The following DZIP3 variants were observed in gnomAD, a reference collection of about 807,000 sequenced individuals.
DZIP3 encodes the protein E3 ubiquitin-protein ligase DZIP3.
In DZIP3, 118 loss-of-function variants were observed where a neutral mutation model predicts 162.0. That is an observed-to-expected ratio of 0.73 (90% CI 0.63 to 0.85). The LOEUF (loss-of-function observed/expected upper bound fraction) is 0.85. Among genes scored for constraint, DZIP3 ranks in the 40% least tolerant of loss-of-function variants. The probability of loss-of-function intolerance (pLI) is 0.00; values close to 1 mark genes in which losing one functional copy is unlikely to be tolerated. For missense variants in DZIP3, 1,331 were observed against 1,407.0 expected, an observed-to-expected ratio of 0.95 and a Z score of 0.86; for synonymous variants, 438 against 458.6, an observed-to-expected ratio of 0.96 and a Z score of 0.57.
intron 4 of DZIP3, among the ~76,000 whole-genome samples, chr3:108,614,543 C>CA (rs1193758015): frequency 1.3e-5 from 2 of 152,196 alleles, no homozygotes; most frequent in Non-Finnish European, 2.9e-5. Context: ...ATTGCCCCCC[C>CA]ATACCAATTG....
rs780187007 is a variant in DZIP3, at chr3:108,629,122, C to G, written c.642C>G (p.Asp214Glu). Residue 214 changes from aspartate (D) to glutamate (E), a missense_variant, in exon 8 of 33, where the codon GAC becomes GAG. Transcript: ENST00000361582. The stretch of plus-strand genomic sequence containing the variant: ...TACAAGAAATTGGAGACAAAAATGA[C>G]CATTGGTTTGACATAGATCCTACAG... ...KSLQEIGDKN[D>E]HWFDIDPTED... 1.9e-6 allele frequency: 3 copies of G among 1,604,060 alleles called. No homozygotes were observed. The African/African-American group carries it at 4.0e-5, about 22-fold the overall frequency.
intron 27 of DZIP3, among the ~76,000 whole-genome samples, chr3:108,685,079 T>C (rs76651680): frequency 0.028 from 4,285 of 152,230 alleles, 221 homozygotes; most frequent in African/African-American, 0.097. Context: ...TTGCTAACAG[T>C]TTCCTTTTGA....
Position 108,642,485 on chromosome 3 carries a change from C to T in DZIP3, c.1112C>T (p.Pro371Leu), listed in dbSNP as rs867437951. The change falls in exon 13 of 33, where the codon CCG becomes CTG. Residue 371 changes from proline to leucine, a missense_variant. Pro to Leu is a moderately conservative substitution (Grantham distance 98, BLOSUM62 -3). Transcript: ENST00000361582. ...AAAATAACTGATACTGATATAAGAC[C>T]GAAGATCAGTTTAAAATTTAATACA... ...SLKITDTDIR[P>L]KISLKFNTKD... 2 of 1,479,198 alleles carry T rather than the reference C, an allele frequency of 1.4e-6. No homozygotes were observed. The highest frequency in any genetic ancestry group is 2.5e-5 in the East Asian group (1 of 39,456). The allele number at this position is 1,479,198 out of a possible 1,614,324, so 91.6% of individuals were successfully genotyped here.
In DZIP3 at chr3:108,674,061, C is replaced by G; in HGVS notation, c.2590-17C>G. ...GCACACCTTCAACTTCTTTCTCTTT[C>G]TCTCAAAAACCTGTAGGTGTATTTC... On this transcript the variant is annotated splice_polypyrimidine_tract_variant and intron_variant, in intron 23 of 32. Coordinates refer to ENST00000361582, the MANE Select transcript of DZIP3 (RefSeq NM_014648.4). The G allele has an allele frequency of 2.5e-6, 4 of 1,580,382 alleles. No homozygotes were observed. The highest frequency in any genetic ancestry group is 3.5e-6 in the Non-Finnish European group (4 of 1,151,822).
chr3:108,662,103 T>C (rs368826548), intron 20 of DZIP3, 27 bp from the exon 21 acceptor site: 4 of 1,576,212 alleles, frequency 2.5e-6, no homozygotes, highest in Non-Finnish European at 3.4e-6. Flanking sequence ...AACATAATTA[T>C]CTGAAATAAT....
Position 108,693,897 on chromosome 3 carries a change from C to T in DZIP3, c.*544C>T, listed in dbSNP as rs188082996. 16 of 152,180 alleles carry T rather than the reference C, an allele frequency of 1.1e-4. No individual in the cohort carries two copies. Among genetic ancestry groups the T allele is most frequent in the Non-Finnish European group, 2.1e-4 (14 of 67,990 alleles). 9.4% of individuals were successfully genotyped at this position (152,180 alleles called of 1,614,324 possible). On this transcript the variant is annotated 3_prime_UTR_variant, in exon 33 of 33. Transcript: ENST00000361582. ...TGTGACAAAGTGAATACCCACTGGGCTAAGTTTCATATCTAAAGCTTGTCA... is the reference window on the plus strand; with the variant it reads ...TGTGACAAAGTGAATACCCACTGGGTTAAGTTTCATATCTAAAGCTTGTCA...
At position 108,611,280 on chromosome 3, in the gene DZIP3, C is replaced by T. The variant is rs1940693084; in HGVS notation, c.209C>T (p.Pro70Leu). 2 of 1,612,046 alleles carry T rather than the reference C, an allele frequency of 1.2e-6. No individual in the cohort carries two copies. Among genetic ancestry groups the T allele is most frequent in the Non-Finnish European group, 1.7e-6 (2 of 1,179,442 alleles). Reference protein sequence around the residue: ...AINTLPKGVVPHIKKFLQEDF... With the variant: ...AINTLPKGVVLHIKKFLQEDF... ...AATACTCTACCAAAAGGTGTGGTTC[C>T]TCACATTAAGAAGTTCTTACAAGAA... The change falls in exon 4 of 33, where the codon CCT (proline) becomes CTT (leucine). Residue 70 changes from proline (P) to leucine (L), a missense_variant. Coordinates refer to ENST00000361582, the MANE Select transcript of DZIP3 (RefSeq NM_014648.4).
rs150121707 is a variant in DZIP3 at position 108,594,691 on chromosome 3, G to T, written c.-73+4852G>T. 5.3e-4 allele frequency among the ~76,000 whole-genome samples: 80 copies of T among 151,896 alleles called. 1 individual carries two copies. In the East Asian group the frequency reaches 0.015, roughly 29 times the overall value. ...CTCCCATTTATGAGTAAGAATATGC[G>T]GTATTTGATTTTCTTGCATTAATTT... On this transcript the variant is annotated intron_variant, in intron 1 of 32. Transcript: ENST00000361582.
intron 1 of DZIP3, among the ~76,000 whole-genome samples, chr3:108,601,062 A>T (rs1249763445): frequency 6.6e-6 from 1 of 152,168 alleles, no homozygotes; most frequent in Non-Finnish European, 1.5e-5. Context: ...TTGTGTCTGT[A>T]CATGTTGTAT....
chr3:108,627,971 C>G (rs1941662639), intron 7 of DZIP3, among the ~76,000 whole-genome samples: 1 of 152,162 alleles, frequency 6.6e-6, no homozygotes, highest in Non-Finnish European at 1.5e-5. Context: ...CTCCAACTCC[C>G]TGGTTCAAGG....
At chr3:108,656,045 C>T (rs1576425817) in intron 19 of DZIP3, among the ~76,000 whole-genome samples, 1 of 152,230 alleles carries the variant, frequency 6.6e-6, no homozygotes, top group South Asian at 2.1e-4. Flanking sequence ...GCCTCTCTGC[C>T]TCTGTAGACT....
intron 19 of DZIP3, 31 bp from the exon 20 acceptor site, chr3:108,661,846 A>G: frequency 1.3e-6 from 2 of 1,563,870 alleles, no homozygotes; most frequent in Non-Finnish European, 1.7e-6. Flanking sequence ...TTTGAGGAAA[A>G]TAATACATGC....
chr3:108,613,952 A>G (rs1029034857), intron 4 of DZIP3, among the ~76,000 whole-genome samples: 1 of 152,218 alleles, frequency 6.6e-6, no homozygotes, highest in East Asian at 1.9e-4. Flanking sequence ...ATAAAAATAT[A>G]TATCAAATCT....
intron 19 of DZIP3, among the ~76,000 whole-genome samples, chr3:108,659,841 A>G (rs1943336721): frequency 6.6e-6 from 1 of 152,210 alleles, no homozygotes; most frequent in African/African-American, 2.4e-5. Context: ...TTATACACCA[A>G]TAACAGACAA....
Position 108,687,978 on chromosome 3 carries a change from A to G in DZIP3, c.3152A>G (p.Lys1051Arg). Residue 1051 changes from lysine to arginine, a missense_variant and splice_region_variant, in exon 29 of 33, where the codon AAG becomes AGG. Coordinates refer to ENST00000361582, the MANE Select transcript of DZIP3 (RefSeq NM_014648.4). ...LKTAFPQQTR[K>R]ELTDFLRKLK... ...TTCCTTTCCTTGATCTCTTGCAGAA[A>G]GGAACTTACAGATTTCTTACGGAAA... 2 of 1,613,546 alleles carry G rather than the reference A, an allele frequency of 1.2e-6. No homozygotes were observed. Among genetic ancestry groups the G allele is most frequent in the East Asian group, 2.2e-5 (1 of 44,746 alleles).
In DZIP3 at chr3:108,690,844, T is replaced by C; in HGVS notation, c.3574T>C (p.Leu1192=). 6.2e-7 allele frequency: 1 copy of C among 1,614,090 alleles called. No individual in the cohort carries two copies. The highest frequency in any genetic ancestry group is 8.5e-7 in the Non-Finnish European group (1 of 1,179,984). Residue 1192 remains leucine (L), a synonymous_variant, in exon 32 of 33, where the codon TTG becomes CTG. Transcript: ENST00000361582. ...ATGTCCAACGTGCAGACTCCACGTT[T>C]TGCTACCAGAAGAATTCCCTGGTCA... ...GTCPTCRLHV[L]LPEEFPGHPS...
chr3:108,649,655 G>A (rs1231224150), intron 17 of DZIP3, among the ~76,000 whole-genome samples: 1 of 151,742 alleles, frequency 6.6e-6, no homozygotes, highest in Non-Finnish European at 1.5e-5. Flanking sequence ...TATAAATTGA[G>A]TGAGAATATT....
At chr3:108,612,759 A>T (rs7615126) in intron 4 of DZIP3, among the ~76,000 whole-genome samples, 45,403 of 151,928 alleles carry the variant, frequency 0.3, 7,331 homozygotes, top group East Asian at 0.45. Context: ...TCAATTTTTT[A>T]AAATTATTGT....
intron 19 of DZIP3, among the ~76,000 whole-genome samples, chr3:108,658,161 C>T (rs1389203176): frequency 6.6e-6 from 1 of 152,204 alleles, no homozygotes; most frequent in Non-Finnish European, 1.5e-5. Context: ...CTACAGAACT[C>T]TCCACCCCAA....
Sources: allele counts gnomAD v4.1 joint callset (sites outside exome capture counted in the v4.1 genomes callset), GRCh38; gene constraint gnomAD v4.1.1; transcripts MANE v1.5; gene names NCBI Gene and HGNC (gene_info 2026-07-23, HGNC 2026-07-21).